Variants in CD1B observed in about 807,000 individuals in gnomAD.
The protein encoded by CD1B is CD1b molecule, also known as T-cell surface glycoprotein CD1b.
Under a neutral mutation model 39.8 loss-of-function variants are expected in CD1B, and 43 were observed. The ratio of observed to expected loss-of-function variants is 1.08; its 90% CI spans 0.85 to 1.39. The LOEUF (loss-of-function observed/expected upper bound fraction) is 1.39. Ranked by LOEUF, CD1B falls within the 40% of genes most tolerant of loss-of-function variation. The pLI, the probability that CD1B is intolerant of heterozygous loss-of-function variation, is 0.00. For synonymous variants in CD1B, 192 were observed against 152.5 expected, an observed-to-expected ratio of 1.26 and a Z score of -1.91; for missense variants, 495 against 403.8, an observed-to-expected ratio of 1.23 and a Z score of -1.94.
At chr1:158,294,601 G>GTAAACAAAAT in the CD1B span, among the ~76,000 whole-genome samples, 3 of 152,156 alleles carry the variant, frequency 2.0e-5, no homozygotes, top group Non-Finnish European at 2.9e-5. Flanking sequence ...ATAAGCCCAT[G>GTAAACAAAAT]TAAACAAAAT....
the CD1B span, among the ~76,000 whole-genome samples, chr1:158,310,223 A>T: frequency 5.9e-5 from 9 of 152,200 alleles, no homozygotes; most frequent in Non-Finnish European, 1.3e-4. Context: ...TGGGGTGAAG[A>T]CTTCCTATTC....
chr1:158,295,952 AC>A, the CD1B span, among the ~76,000 whole-genome samples: 1 of 152,152 alleles, frequency 6.6e-6, no homozygotes, highest in East Asian at 1.9e-4. Flanking sequence ...TGGAGACCTC[AC>A]CACTGCTGCA....
At chr1:158,308,111 T>G in the CD1B span, among the ~76,000 whole-genome samples, 1 of 152,188 alleles carries the variant, frequency 6.6e-6, no homozygotes, top group African/African-American at 2.4e-5. Flanking sequence ...CAAATCTCCT[T>G]AAGCTGATAG....
the CD1B span, among the ~76,000 whole-genome samples, chr1:158,317,578 T>C: frequency 2.0e-5 from 3 of 152,212 alleles, no homozygotes; most frequent in Admixed American, 1.3e-4. Context: ...GTCTTGCTAG[T>C]GGTCTATCTA....
At chr1:158,319,978 G>A in the CD1B span, among the ~76,000 whole-genome samples, 1 of 152,208 alleles carries the variant, frequency 6.6e-6, no homozygotes, top group South Asian at 2.1e-4. Context: ...CTGCTCGGGA[G>A]TCAGGGGTCA....
At chr1:158,321,880 A>C in the CD1B span, among the ~76,000 whole-genome samples, 1 of 152,148 alleles carries the variant, frequency 6.6e-6, no homozygotes, top group East Asian at 1.9e-4. Flanking sequence ...TATTAACCCC[A>C]GCATCCATTA....
At chr1:158,310,110 GA>G in the CD1B span, among the ~76,000 whole-genome samples, 1 of 152,034 alleles carries the variant, frequency 6.6e-6, no homozygotes, top group Non-Finnish European at 1.5e-5. Context: ...GGTACTAGTA[GA>G]AAAACAAACA....
At chr1:158,318,592 A>C in the CD1B span, among the ~76,000 whole-genome samples, 3 of 152,132 alleles carry the variant, frequency 2.0e-5, no homozygotes, top group Admixed American at 1.3e-4. Flanking sequence ...AATACAGCAC[A>C]CTGATGGGTC....
At chr1:158,292,465 AG>A in the CD1B span, 1 of 1,491,808 alleles carries the variant, frequency 6.7e-7, no homozygotes, top group South Asian at 1.3e-5. Context: ...GACAAGAAGC[AG>A]GGGGGTTGCT....
At chr1:158,293,658 T>C in the CD1B span, 1 of 1,421,858 alleles carries the variant, frequency 7.0e-7, no homozygotes, top group Non-Finnish European at 9.7e-7. Flanking sequence ...CCACTTTTTA[T>C]ATAGCACTCA....
the CD1B span, among the ~76,000 whole-genome samples, chr1:158,303,154 AC>A: frequency 1.3e-5 from 2 of 152,220 alleles, no homozygotes; most frequent in African/African-American, 4.8e-5. Flanking sequence ...ATGATTCATC[AC>A]ATAAGCAGAA....
the CD1B span, among the ~76,000 whole-genome samples, chr1:158,314,244 T>G: frequency 6.6e-6 from 1 of 151,968 alleles, no homozygotes; most frequent in Admixed American, 6.6e-5. Context: ...GCCACCACAA[T>G]CAGCTAATTT....
downstream of CD1B, among the ~76,000 whole-genome samples, chr1:158,323,919 C>G (rs994408629): frequency 6.6e-6 from 1 of 152,150 alleles, no homozygotes; most frequent in Non-Finnish European, 1.5e-5. Flanking sequence ...TGCTTTGGGA[C>G]AAAGGCTGGT....
chr1:158,289,945 C>A, the CD1B span: 2 of 823,874 alleles, frequency 2.4e-6, no homozygotes, highest in East Asian at 2.6e-5. Context: ...TTGCTGTCAG[C>A]GGCTGATGGG....
chr1:158,321,911 C>G, the CD1B span, among the ~76,000 whole-genome samples: 1 of 152,150 alleles, frequency 6.6e-6, no homozygotes, highest in African/African-American at 2.4e-5. Flanking sequence ...CTGATCTTCT[C>G]CCTCCTCTCA....
Position 158,330,143 on chromosome 1 carries a change from A to G in CD1B, c.329-13T>C. ...ATCTCAAAGGGGTCTATGTAGAGGG[A>G]AAAGAGAGCAAGTTATTAAACACAA... On this transcript the variant is annotated splice_polypyrimidine_tract_variant and intron_variant, in intron 2 of 5. Transcript: ENST00000368168. The G allele has an allele frequency of 6.4e-7, 1 of 1,574,102 alleles. No individual in the cohort carries two copies. The highest frequency in any genetic ancestry group is 8.6e-7 in the Non-Finnish European group (1 of 1,165,084).
intron 1 of CD1B, 134 bp downstream of exon 1, chr1:158,331,229 C>T: frequency 1.8e-6 from 2 of 1,082,810 alleles, no homozygotes; most frequent in Non-Finnish European, 2.7e-6. Flanking sequence ...GTCCCAACCA[C>T]CAGAATGGTT....
chr1:158,307,726 C>T, the CD1B span, among the ~76,000 whole-genome samples: 7 of 152,272 alleles, frequency 4.6e-5, no homozygotes, highest in South Asian at 1.2e-3. Context: ...TATCAAAAAC[C>T]TTATCCACCC....
the CD1B span, among the ~76,000 whole-genome samples, chr1:158,303,169 A>G: frequency 1.3e-5 from 2 of 152,226 alleles, no homozygotes; most frequent in African/African-American, 2.4e-5. Context: ...AGCAGAACTA[A>G]AAACAAAAAA....
Sources: allele counts gnomAD v4.1 joint callset (sites outside exome capture counted in the v4.1 genomes callset), GRCh38; gene constraint gnomAD v4.1.1; transcripts MANE v1.5; gene names NCBI Gene and HGNC (gene_info 2026-07-23, HGNC 2026-07-21).